MTHFD1: variants seen among roughly 807,000 people sequenced by gnomAD.
The protein encoded by MTHFD1 is methylenetetrahydrofolate dehydrogenase, cyclohydrolase and formyltetrahydrofolate synthetase 1.
A neutral mutation model predicts 110.3 loss-of-function variants in MTHFD1; 44 were observed. That is an observed-to-expected ratio of 0.40 (90% CI 0.31 to 0.51). MTHFD1 has a LOEUF of 0.51. Ranked by LOEUF, MTHFD1 falls within the 20% of genes least tolerant of loss-of-function variation. MTHFD1 has a pLI of 0.60. For missense variants in MTHFD1, 909 were observed against 1,173.1 expected, an observed-to-expected ratio of 0.77 and a Z score of 3.29; for synonymous variants, 402 against 428.8, an observed-to-expected ratio of 0.94 and a Z score of 0.77.
At chr14:64,432,188 G>C (rs189503746) in intron 15 of MTHFD1, among the ~76,000 whole-genome samples, 8 of 152,294 alleles carry the variant, frequency 5.3e-5, no homozygotes, top group African/African-American at 1.9e-4. Flanking sequence ...GCATCATTGG[G>C]ACCTTAAGCA....
At chr14:64,458,870 CT>C (rs1168811931) in intron 27 of MTHFD1, among the ~76,000 whole-genome samples, 1 of 152,122 alleles carries the variant, frequency 6.6e-6, no homozygotes, top group Admixed American at 6.6e-5. Flanking sequence ...CGTGTCTCTC[CT>C]TAGGCAGACC....
At chr14:64,412,609 A>T in intron 4 of MTHFD1, 84 bp downstream of exon 4, 2 of 997,412 alleles carry the variant, frequency 2.0e-6, no homozygotes, top group Non-Finnish European at 3.2e-6. Context: ...TTGGGGACTG[A>T]CACATTTAGC....
chr14:64,454,788 A>C lies in MTHFD1; in HGVS notation c.2631A>C (p.Gln877His). ...TGTCTTTGTCTCACAACCCAGAGCA[A>C]AAAGGTGTCCCTACAGGCTTCATTC... ...THLSLSHNPE[Q>H]KGVPTGFILP... The change falls in exon 26 of 28, where the codon CAA becomes CAC. Residue 877 changes from glutamine to histidine, a missense_variant. Gln to His is a conservative substitution (Grantham distance 24). Coordinates refer to ENST00000652337, the MANE Select transcript of MTHFD1 (RefSeq NM_005956.4). 1 of 1,614,150 alleles carries C rather than the reference A, an allele frequency of 6.2e-7. No homozygotes were observed. Among genetic ancestry groups the C allele is most frequent in the Non-Finnish European group, 8.5e-7 (1 of 1,179,978 alleles).
chr14:64,451,729 A>T (rs1231161484), intron 24 of MTHFD1, among the ~76,000 whole-genome samples: 1 of 152,240 alleles, frequency 6.6e-6, no homozygotes, highest in African/African-American at 2.4e-5. Context: ...TCTGGCAAAC[A>T]GGAGGCTGCC....
chr14:64,428,719 A>G (rs1184080601), intron 12 of MTHFD1, among the ~76,000 whole-genome samples: 1 of 151,250 alleles, frequency 6.6e-6, no homozygotes, highest in Non-Finnish European at 1.5e-5. Context: ...ATGCCTGGCT[A>G]ATTTTTGTGT....
intron 2 of MTHFD1, among the ~76,000 whole-genome samples, chr14:64,404,673 C>G (rs1398878509): frequency 6.6e-6 from 1 of 152,046 alleles, no homozygotes; most frequent in African/African-American, 2.4e-5. Flanking sequence ...CCTTGTTCAT[C>G]AAGAATGTCA....
At chr14:64,447,222 T>C (rs536537601) in intron 22 of MTHFD1, among the ~76,000 whole-genome samples, 300 of 146,768 alleles carry the variant, frequency 2.0e-3, no homozygotes, top group African/African-American at 7.2e-3. Flanking sequence ...GTGGTGCAAT[T>C]TCAACTCACT....
At chr14:64,408,980 C>T (rs1329575128) in intron 2 of MTHFD1, among the ~76,000 whole-genome samples, 1 of 152,096 alleles carries the variant, frequency 6.6e-6, no homozygotes, top group Admixed American at 6.6e-5. Flanking sequence ...AAAACCTATA[C>T]TAAGAGTGAC....
At chr14:64,444,866 A>T in intron 22 of MTHFD1, 132 bp downstream of exon 22, 1 of 891,346 alleles carries the variant, frequency 1.1e-6, no homozygotes, top group Non-Finnish European at 1.9e-6. Flanking sequence ...AAAGGCCTGC[A>T]GTGTGCTGAG....
intron 15 of MTHFD1, among the ~76,000 whole-genome samples, chr14:64,433,902 C>T (rs1456295240): frequency 6.6e-6 from 1 of 151,750 alleles, no homozygotes; most frequent in African/African-American, 2.4e-5. Flanking sequence ...TGGTGGTGCA[C>T]GCCTGTAGCC....
At chr14:64,399,812 A>G (rs1221377622) in intron 1 of MTHFD1, among the ~76,000 whole-genome samples, 5 of 152,018 alleles carry the variant, frequency 3.3e-5, no homozygotes, top group Non-Finnish European at 2.9e-5. Context: ...GTCTTGCTCT[A>G]TCGTCCAGGC....
At chr14:64,435,513 C>T (rs548366933) in intron 15 of MTHFD1, 56 bp from the exon 16 acceptor site, 26 of 1,223,310 alleles carry the variant, frequency 2.1e-5, no homozygotes, top group East Asian at 7.0e-5. Context: ...TTTTGTCTTA[C>T]GTTTATTGTG....
In MTHFD1 at chr14:64,419,807, C is replaced by T; in HGVS notation, c.616-7C>T. 1 of 1,593,622 alleles carries T rather than the reference C, an allele frequency of 6.3e-7. No homozygotes were observed. On this transcript the variant is annotated splice_region_variant and splice_polypyrimidine_tract_variant and intron_variant, in intron 7 of 27. Coordinates refer to ENST00000652337, the MANE Select transcript of MTHFD1 (RefSeq NM_005956.4). ...TCATTTCTGATGTCCAAATCCCCTA[C>T]CCCTAGGTAAATAAAGGTGACATCC...
intron 2 of MTHFD1, among the ~76,000 whole-genome samples, chr14:64,407,319 G>A (rs1403524912): frequency 1.3e-5 from 2 of 151,994 alleles, no homozygotes; most frequent in African/African-American, 4.8e-5. Flanking sequence ...ACAAAAATTA[G>A]CTGGTTGTGG....
intron 25 of MTHFD1, 112 bp downstream of exon 25, chr14:64,453,973 G>A: frequency 1.4e-6 from 1 of 723,796 alleles, no homozygotes; most frequent in Non-Finnish European, 2.5e-6. Context: ...TTCTCTGGGT[G>A]GCAGCCTTCT....
intron 3 of MTHFD1, among the ~76,000 whole-genome samples, chr14:64,411,674 C>T (rs566746470): frequency 8.5e-5 from 13 of 152,168 alleles, no homozygotes; most frequent in African/African-American, 1.4e-4. Context: ...CCGAGGCGGG[C>T]GGATCACCTG....
In MTHFD1 at chr14:64,400,818, C is replaced by G. The variant is rs1299571902; in HGVS notation, c.67C>G (p.Gln23Glu). 1.9e-6 allele frequency: 3 copies of G among 1,613,758 alleles called. No individual in the cohort carries two copies. Among genetic ancestry groups the G allele is most frequent in the African/African-American group, 2.7e-5 (2 of 75,054 alleles). ...GCAAATAAGGGCGAGACTGAAAAATCAAGTCACTCAGTTGAAGGAGCAAGT... is the reference window on the plus strand; with the variant it reads ...GCAAATAAGGGCGAGACTGAAAAATGAAGTCACTCAGTTGAAGGAGCAAGT... ...SAQIRARLKN[Q>E]VTQLKEQVPG... Residue 23 changes from glutamine to glutamate, a missense_variant, in exon 2 of 28, where the codon CAA becomes GAA. By Grantham distance (29) the Gln-to-Glu change is conservative. Coordinates refer to ENST00000652337, the MANE Select transcript of MTHFD1 (RefSeq NM_005956.4).
intron 4 of MTHFD1, among the ~76,000 whole-genome samples, chr14:64,414,966 G>A (rs2078014137): frequency 6.6e-6 from 1 of 150,458 alleles, no homozygotes; most frequent in African/African-American, 2.5e-5. Flanking sequence ...TGGAATTACA[G>A]TCGTGAACCA....
chr14:64,431,357 C>T (rs2078158483), intron 13 of MTHFD1, among the ~76,000 whole-genome samples, 175 bp from the exon 14 acceptor site: 1 of 152,176 alleles, frequency 6.6e-6, no homozygotes, highest in African/African-American at 2.4e-5. Flanking sequence ...TGAGCTACCA[C>T]ACCCAGCCAG....
Sources: allele counts gnomAD v4.1 joint callset (sites outside exome capture counted in the v4.1 genomes callset), GRCh38; gene constraint gnomAD v4.1.1; transcripts MANE v1.5; gene names NCBI Gene and HGNC (gene_info 2026-07-23, HGNC 2026-07-21).